Variants in IK observed in about 807,000 individuals in gnomAD.
IK encodes IK cytokine, also known as protein Red.
In IK, 47 loss-of-function variants were observed where a neutral mutation model predicts 90.9. That is an observed-to-expected ratio of 0.52 (90% CI 0.41 to 0.66). The LOEUF (loss-of-function observed/expected upper bound fraction) is 0.66, where lower values mean the gene tolerates loss of function less well. IK is among the 30% of genes least tolerant of loss of function. The probability of loss-of-function intolerance (pLI) is 0.00; values close to 1 mark genes in which losing one functional copy is unlikely to be tolerated. For synonymous variants in IK, 201 were observed against 227.5 expected, an observed-to-expected ratio of 0.88 and a Z score of 1.05; for missense variants, 385 against 709.3, an observed-to-expected ratio of 0.54 and a Z score of 5.19.
At chr5:140,654,807 C>G in intron 8 of IK, 80 bp downstream of exon 8, 1 of 911,930 alleles carries the variant, frequency 1.1e-6, no homozygotes, top group Non-Finnish European at 1.7e-6. Context: ...GGATATGCTT[C>G]TCCTTTCCCC....
At chr5:140,649,667 C>T (rs1244119230) in intron 2 of IK, among the ~76,000 whole-genome samples, 1 of 152,148 alleles carries the variant, frequency 6.6e-6, no homozygotes, top group African/African-American at 2.4e-5. Context: ...TCCCCAGTAG[C>T]TGGGATTACA....
chr5:140,648,649 A>G lies in IK; in HGVS notation c.83+112A>G, dbSNP rs1757545173. 1.7e-5 allele frequency: 18 copies of G among 1,061,442 alleles called. No individual in the cohort carries two copies. In the South Asian group the frequency reaches 2.3e-4, roughly 14 times the overall value. The allele number at this position is 1,061,442 out of a possible 1,614,324, so 65.8% of individuals were successfully genotyped here. The stretch of plus-strand genomic sequence containing the variant: ...GTCATCAAGGATGGTAAAAAATTAT[A>G]CCCGCTGGCCCTTTATCTCTGTGAG... On this transcript the variant is annotated intron_variant, in intron 2 of 19. Coordinates refer to ENST00000417647, the MANE Select transcript of IK (RefSeq NM_006083.4).
At chr5:140,659,359 A>G in intron 13 of IK, 26 bp downstream of exon 13, 1 of 1,613,624 alleles carries the variant, frequency 6.2e-7, no homozygotes, top group African/African-American at 1.3e-5. Flanking sequence ...AGCATCTCAC[A>G]GTTGCTCTAG....
At position 140,659,019 on chromosome 5, in the gene IK, G is replaced by C; in HGVS notation, c.1031G>C (p.Arg344Pro). The change falls in exon 12 of 20, where the codon CGG becomes CCG. Residue 344 changes from arginine (R) to proline (P), a missense_variant. Physicochemically the swap from Arg to Pro is moderately radical, Grantham distance 103. This residue lies in a region of IK where 139 missense variants were observed against 172.0 expected (regional missense o/e 0.81). Coordinates refer to ENST00000417647, the MANE Select transcript of IK (RefSeq NM_006083.4). Reference protein sequence around the residue: ...RDKERERYRERERDRERDRDR... With the variant: ...RDKERERYREPERDRERDRDR... ...AAGGAGCGGGAGAGATATCGGGAACGGGAGCGTGATCGGGAAAGAGACAGA... is the reference window on the plus strand; with the variant it reads ...AAGGAGCGGGAGAGATATCGGGAACCGGAGCGTGATCGGGAAAGAGACAGA... 6.2e-7 allele frequency: 1 copy of C among 1,613,112 alleles called. No homozygotes were observed. The highest frequency in any genetic ancestry group is 2.2e-5 in the East Asian group (1 of 44,884).
At chr5:140,651,659 C>T in intron 2 of IK, 55 bp from the exon 3 acceptor site, 2 of 850,048 alleles carry the variant, frequency 2.4e-6, no homozygotes, top group Non-Finnish European at 3.9e-6. Context: ...TTTACTTGTT[C>T]CTTTTTCATT....
In IK at chr5:140,647,833, T is replaced by C. The variant is rs1331707389; in HGVS notation, c.-76T>C. On this transcript the variant is annotated 5_prime_UTR_variant, in exon 1 of 20. Coordinates refer to ENST00000417647, the MANE Select transcript of IK (RefSeq NM_006083.4). ...AGTGTGGGTTGATTCTGAGGTGCAC[T>C]GTGGGAAAGAGCTTGTCGCTGCGGT... The C allele has an allele frequency of 1.3e-6, 2 of 1,574,082 alleles. No homozygotes were observed. Among genetic ancestry groups the C allele is most frequent in the Non-Finnish European group, 1.7e-6 (2 of 1,143,426 alleles).
At chr5:140,662,095 G>A (rs534685871) in intron 18 of IK, 84 bp from the exon 19 acceptor site, 2 of 1,589,528 alleles carry the variant, frequency 1.3e-6, no homozygotes, top group Non-Finnish European at 1.7e-6. Flanking sequence ...GGGCTGGAGA[G>A]CCATGGAAAT....
chr5:140,648,213 G>C lies in IK; in HGVS notation c.17-258G>C, dbSNP rs1009548030. 2.0e-5 allele frequency: 14 copies of C among 703,934 alleles called. No individual in the cohort carries two copies. In the African/African-American group the frequency reaches 2.4e-4, roughly 12 times the overall value. The allele number at this position is 703,934 out of a possible 1,614,324, so 43.6% of individuals were successfully genotyped here. ...CTGTCCCCATACTTAATCCTGGGTT[G>C]CGCGTATTTATCTTTTACGTAGTAT... On this transcript the variant is annotated intron_variant, in intron 1 of 19. Coordinates refer to ENST00000417647, the MANE Select transcript of IK (RefSeq NM_006083.4).
chr5:140,648,220 T>G (rs1757528205), intron 1 of IK: 1 of 703,934 alleles, frequency 1.4e-6, no homozygotes, highest in Non-Finnish European at 2.6e-6. Flanking sequence ...GTTGCGCGTA[T>G]TTATCTTTTA....
intron 9 of IK, among the ~76,000 whole-genome samples, chr5:140,656,551 C>T (rs1757713644): frequency 6.6e-6 from 1 of 152,158 alleles, no homozygotes; most frequent in African/African-American, 2.4e-5. Flanking sequence ...CACTTCCACT[C>T]TGATTTGTTA....
rs1757776629 is a variant in IK, at chr5:140,660,165, C to G, written c.1325C>G (p.Ser442Cys). 5 of 1,613,546 alleles carry G rather than the reference C, an allele frequency of 3.1e-6. No individual in the cohort carries two copies. The highest frequency in any genetic ancestry group is 3.4e-6 in the Non-Finnish European group (4 of 1,179,748). Residue 442 changes from serine to cysteine, a missense_variant, in exon 15 of 20, where the codon TCC becomes TGC. By Grantham distance (112) the Ser-to-Cys change is moderately radical (BLOSUM62 -1). This residue lies in a region of IK where 23 missense variants were observed against 115.2 expected (regional missense o/e 0.20). Coordinates refer to ENST00000417647, the MANE Select transcript of IK (RefSeq NM_006083.4). ...KKQLGDFFGMSNSYAECYPAT... is the reference protein window; with the variant it reads ...KKQLGDFFGMCNSYAECYPAT... ...CAGCTGGGAGATTTCTTTGGCATGT[C>G]CAACAGTTATGCAGAGTGCTACCCA...
At chr5:140,658,193 A>G (rs1409742928) in intron 10 of IK, among the ~76,000 whole-genome samples, 1 of 152,076 alleles carries the variant, frequency 6.6e-6, no homozygotes, top group Non-Finnish European at 1.5e-5. Flanking sequence ...TTCAGTAGAG[A>G]TGGGGTTTCA....
At chr5:140,650,122 C>T (rs954271391) in intron 2 of IK, among the ~76,000 whole-genome samples, 4 of 152,126 alleles carry the variant, frequency 2.6e-5, no homozygotes, top group East Asian at 1.9e-4. Context: ...AATCAACCAC[C>T]GCTCCACCCC....
intron 4 of IK, 113 bp from the exon 5 acceptor site, chr5:140,652,864 G>A (rs1757638713): frequency 1.1e-6 from 1 of 929,030 alleles, no homozygotes. Flanking sequence ...ACAGACATGA[G>A]CTTTTCCCCA....
At chr5:140,654,613 G>T (rs1757674233) in intron 7 of IK, 27 bp downstream of exon 7, 1 of 1,585,756 alleles carries the variant, frequency 6.3e-7, no homozygotes, top group African/African-American at 1.3e-5. Flanking sequence ...GAAAGGTTGA[G>T]AATTTAGAAA....
rs941219294 is a variant in IK, at chr5:140,658,356, C to T, written c.911-381C>T. Among the ~76,000 whole-genome samples, 3 of 151,814 alleles carry T rather than the reference C, an allele frequency of 2.0e-5. No homozygotes were observed. In the East Asian group the frequency reaches 5.8e-4, roughly 29 times the overall value. On this transcript the variant is annotated intron_variant, in intron 10 of 19. Transcript: ENST00000417647. ...TATTTTGAGACGAGTCTCGTTTTGT[C>T]GCCCAGGCTGGAGTGCAGTGATGCC...
Position 140,661,640 on chromosome 5 carries a change from A to G in IK, c.1434A>G (p.Leu478=), listed in dbSNP as rs953312692. The change falls in exon 17 of 20, where the codon TTA becomes TTG. Residue 478 remains leucine (L), a synonymous_variant. Transcript: ENST00000417647. The surrounding 1 kb of genome is among the most constrained non-coding windows in gnomAD (Gnocchi z 4.2). ...KMDQGNKKGP[L]GRWDFDTQEE... ...AACAGGGTAACAAGAAGGGGCCCTT[A>G]GGCCGTTGGGACTTTGATACCCAGG... 6.2e-7 allele frequency: 1 copy of G among 1,609,336 alleles called. No homozygotes were observed. Among genetic ancestry groups the G allele is most frequent in the Admixed American group, 1.7e-5 (1 of 59,320 alleles).
chr5:140,654,172 T>A, intron 6 of IK, 120 bp downstream of exon 6: 1 of 661,068 alleles, frequency 1.5e-6, no homozygotes, highest in Non-Finnish European at 2.7e-6. Context: ...GGGCTAAAGA[T>A]GGCCCCTCTG....
In IK at chr5:140,655,707, G is replaced by T. The variant is rs138446743; in HGVS notation, c.638-122G>T. ...ATAATATCCACTTCATAGGGCTGTT[G>T]CAAAGATTAAATGACGCAAAGCTTG... On this transcript the variant is annotated intron_variant, in intron 8 of 19. Transcript: ENST00000417647. 126 of 905,902 alleles carry T rather than the reference G, an allele frequency of 1.4e-4. 1 individual carries two copies. In the African/African-American group the frequency reaches 1.8e-3, roughly 13 times the overall value. 56.1% of individuals were successfully genotyped at this position (905,902 alleles called of 1,614,324 possible). A position where few individuals can be genotyped will look rare whatever the true frequency, so the allele number is the denominator to read the frequency against.
Sources: gnomAD v4.1 joint callset for allele counts (sites outside exome capture counted in the v4.1 genomes callset) on GRCh38, gnomAD v4.1.1 for gene constraint, gnomAD v4.1.1 regional missense constraint, Gnocchi (gnomAD v3.1) non-coding constraint, MANE v1.5 for transcripts, NCBI Gene and HGNC (gene_info 2026-07-23, HGNC 2026-07-21) for gene names.